The following KCNIP4 variants were observed in gnomAD, a reference collection of about 807,000 sequenced individuals.
KCNIP4 encodes the protein Kv channel-interacting protein 4.
Under a neutral mutation model 34.0 loss-of-function variants are expected in KCNIP4, and 12 were observed. The ratio of observed to expected loss-of-function variants is 0.35; its 90% CI spans 0.23 to 0.57. The LOEUF (loss-of-function observed/expected upper bound fraction) is 0.57, where lower values mean the gene tolerates loss of function less well. Among genes scored for constraint, KCNIP4 ranks in the 20% least tolerant of loss-of-function variants. The probability of loss-of-function intolerance (pLI) is 0.83; values close to 1 mark genes in which losing one functional copy is unlikely to be tolerated. For missense variants in KCNIP4, 238 were observed against 311.7 expected (o/e 0.76, Z 1.78); for synonymous variants, 124 against 102.2 (o/e 1.21, Z -1.29).
At chr4:21,301,416 G>A (rs1419293526) in intron 1 of KCNIP4, among the ~76,000 whole-genome samples, 1 of 152,080 alleles carries the variant, frequency 6.6e-6, no homozygotes, top group Non-Finnish European at 1.5e-5. Context: ...GAGGTTTAAT[G>A]ATTTAGGGAA....
chr4:21,690,264 G>T (rs1193661117), intron 1 of KCNIP4, among the ~76,000 whole-genome samples: 1 of 151,726 alleles, frequency 6.6e-6, no homozygotes, highest in Non-Finnish European at 1.5e-5. Flanking sequence ...GCCCACAAAT[G>T]TATCCCAATA....
Position 21,848,980 on chromosome 4 carries a change from T to TGTG in KCNIP4, c.61+99590_61+99591insCAC, listed in dbSNP as rs1724203064. 3 of 64,292 alleles carry TGTG rather than the reference T, an allele frequency of 4.7e-5. No homozygotes were observed. The East Asian group carries it at 1.6e-3, about 34-fold the overall frequency. The allele number at this position is 64,292 out of a possible 1,614,324, so 4.0% of individuals were successfully genotyped here. On this transcript the variant is annotated intron_variant, in intron 1 of 8. Transcript: ENST00000382152. ...TGTGTGTGTGTGTGTGTGTGTGTGT[T>TGTG]TTCCTCTAAAAAATACATTGTGAAA...
At chr4:20,968,762 C>T (rs939241406) in intron 1 of KCNIP4, among the ~76,000 whole-genome samples, 7 of 106,314 alleles carry the variant, frequency 6.6e-5, no homozygotes, top group East Asian at 6.3e-4. Flanking sequence ...GAACATCACA[C>T]GCTGGGGCCT....
intron 1 of KCNIP4, among the ~76,000 whole-genome samples, chr4:21,609,292 T>C (rs1235533597): frequency 1.3e-5 from 2 of 152,188 alleles, no homozygotes; most frequent in African/African-American, 2.4e-5. Flanking sequence ...GAATAAGGCA[T>C]ACTGATATTA....
At chr4:21,775,522 C>T (rs2109200304) in intron 1 of KCNIP4, among the ~76,000 whole-genome samples, 1 of 152,262 alleles carries the variant, frequency 6.6e-6, no homozygotes, top group South Asian at 2.1e-4. Context: ...GGGGGAAACC[C>T]ATTTGTCTGG....
chr4:21,235,857 G>A (rs1759318990), intron 1 of KCNIP4, among the ~76,000 whole-genome samples: 1 of 152,184 alleles, frequency 6.6e-6, no homozygotes, highest in African/African-American at 2.4e-5. Context: ...TCAGAGAGGA[G>A]GAAGTACTGC....
intron 1 of KCNIP4, among the ~76,000 whole-genome samples, chr4:21,375,558 T>A (rs1205449943): frequency 7.9e-6 from 1 of 126,446 alleles, no homozygotes; most frequent in African/African-American, 3.0e-5. Context: ...TTACCCTTTT[T>A]GTGAATTTTT....
At chr4:20,979,779 C>T (rs1279290960) in intron 1 of KCNIP4, among the ~76,000 whole-genome samples, 1 of 149,808 alleles carries the variant, frequency 6.7e-6, no homozygotes, top group East Asian at 2.0e-4. Context: ...GTCCCACTTG[C>T]TCCCCCAAAG....
In KCNIP4 at chr4:21,381,507, C is replaced by G. The variant is rs575813866; in HGVS notation, c.62-498798G>C. 3.9e-5 allele frequency among the ~76,000 whole-genome samples: 6 copies of G among 152,274 alleles called. No homozygotes were observed. In the South Asian group the frequency reaches 1.2e-3, roughly 32 times the overall value. On this transcript the variant is annotated intron_variant, in intron 1 of 8. Coordinates refer to ENST00000382152, the MANE Select transcript of KCNIP4 (RefSeq NM_025221.6). ...GAAAAGATATGTAGCATTACTCCCA[C>G]CCAAATCCTTTCAAGTTATGTTGAA...
intron 3 of KCNIP4, among the ~76,000 whole-genome samples, chr4:20,774,545 T>A (rs1175049924): frequency 6.6e-6 from 1 of 152,130 alleles, no homozygotes; most frequent in Non-Finnish European, 1.5e-5. Flanking sequence ...ACAGATGAAG[T>A]CCCTCCTGGA....
chr4:21,101,581 G>A (rs561584120), intron 1 of KCNIP4, among the ~76,000 whole-genome samples: 11 of 152,206 alleles, frequency 7.2e-5, no homozygotes, highest in African/African-American at 2.6e-4. Context: ...CAGATGAGTG[G>A]TTGCATAGTG....
At chr4:21,920,915 T>C (rs371497013) in intron 1 of KCNIP4, among the ~76,000 whole-genome samples, 7 of 152,184 alleles carry the variant, frequency 4.6e-5, no homozygotes, top group Non-Finnish European at 7.3e-5. Flanking sequence ...TGTCTAGTTC[T>C]ACCTCGTGTT....
chr4:20,877,411 T>C (rs749192131), intron 2 of KCNIP4, among the ~76,000 whole-genome samples: 3 of 152,194 alleles, frequency 2.0e-5, no homozygotes, highest in Non-Finnish European at 2.9e-5. Context: ...ATGCCTTTTT[T>C]TCCTTCCTGG....
At chr4:21,112,707 C>T (rs774576169) in intron 1 of KCNIP4, among the ~76,000 whole-genome samples, 1 of 152,156 alleles carries the variant, frequency 6.6e-6, no homozygotes, top group Non-Finnish European at 1.5e-5. Context: ...AAAGCTGATC[C>T]ACTGCTCAGT....
intron 3 of KCNIP4, among the ~76,000 whole-genome samples, chr4:20,773,858 T>A (rs1388600495): frequency 1.3e-5 from 2 of 152,198 alleles, no homozygotes; most frequent in Admixed American, 1.3e-4. Context: ...AATCACTTTT[T>A]TGGCAGTTGG....
At chr4:21,029,670 G>A (rs1197233134) in intron 1 of KCNIP4, among the ~76,000 whole-genome samples, 1 of 152,178 alleles carries the variant, frequency 6.6e-6, no homozygotes, top group Non-Finnish European at 1.5e-5. Flanking sequence ...CTGGGCCTCT[G>A]TTGTTGGACA....
chr4:21,384,478 T>C (rs995838245), intron 1 of KCNIP4, among the ~76,000 whole-genome samples: 3 of 152,176 alleles, frequency 2.0e-5, no homozygotes, highest in African/African-American at 7.2e-5. Flanking sequence ...CAGGGAACAA[T>C]GGGAAGATTT....
intron 1 of KCNIP4, among the ~76,000 whole-genome samples, chr4:20,935,310 A>T (rs1176591563): frequency 1.3e-5 from 2 of 152,178 alleles, no homozygotes; most frequent in Non-Finnish European, 1.5e-5. Context: ...GCTCATAGGC[A>T]TTTCAAACTC....
intron 1 of KCNIP4, among the ~76,000 whole-genome samples, chr4:21,089,609 T>G (rs1356162503): frequency 6.6e-6 from 1 of 152,082 alleles, no homozygotes; most frequent in Non-Finnish European, 1.5e-5. Flanking sequence ...ACACATCCAG[T>G]TTTCAGATAT....
Sources: gnomAD v4.1 joint callset for allele counts (sites outside exome capture counted in the v4.1 genomes callset) on GRCh38, gnomAD v4.1.1 for gene constraint, MANE v1.5 for transcripts, NCBI Gene and HGNC (gene_info 2026-07-23, HGNC 2026-07-21) for gene names.